Variants in EPS8L2 observed in about 807,000 individuals in gnomAD.
EPS8L2 encodes the protein EPS8 signaling adaptor L2.
A neutral mutation model predicts 99.4 loss-of-function variants in EPS8L2; 81 were observed. That is an observed-to-expected ratio of 0.82 (90% CI 0.68 to 0.98). The LOEUF (loss-of-function observed/expected upper bound fraction) is 0.98. Among genes scored for constraint, EPS8L2 ranks in the 50% least tolerant of loss-of-function variants. The pLI is 0.00. For synonymous variants in EPS8L2, 509 were observed against 407.3 expected (o/e 1.25, Z -3.01); for missense variants, 1,155 against 968.8 (o/e 1.19, Z -2.55).
At chr11:707,550 C>A (rs1399835119) in intron 1 of EPS8L2, among the ~76,000 whole-genome samples, 1 of 152,210 alleles carries the variant, frequency 6.6e-6, no homozygotes, top group Non-Finnish European at 1.5e-5. Flanking sequence ...GTACAAAGTG[C>A]AGCCTGGGCC....
Position 722,006 on chromosome 11 carries a change from C to G in EPS8L2, c.984+15C>G. 6.2e-7 allele frequency: 1 copy of G among 1,606,312 alleles called. No individual in the cohort carries two copies. ...TTAACTTGCTGGTGGGTCCGGTGGC[C>G]CCAGCCCTGCCCCACTGTCTGTGCT... is the stretch of plus-strand genomic sequence containing the variant. On this transcript the variant is annotated intron_variant, in intron 11 of 20. Coordinates refer to ENST00000318562, the MANE Select transcript of EPS8L2 (RefSeq NM_022772.4).
intron 4 of EPS8L2, among the ~76,000 whole-genome samples, chr11:713,911 A>AC (rs1418190656): frequency 1.3e-5 from 2 of 151,868 alleles, no homozygotes; most frequent in Non-Finnish European, 2.9e-5. Flanking sequence ...CCAACGCCTG[A>AC]CCTCAAGTGA....
Position 726,987 on chromosome 11 carries a change from G to C in EPS8L2, c.*6G>C. The C allele has an allele frequency of 6.2e-7, 1 of 1,606,732 alleles. No individual in the cohort carries two copies. Among genetic ancestry groups the C allele is most frequent in the Non-Finnish European group, 8.5e-7 (1 of 1,174,532 alleles). ...GGAGGGGGGAGGACAGCTAGGCCCA[G>C]CTGCCTTGGGCTGGGGCCTGCGGAG... On this transcript the variant is annotated 3_prime_UTR_variant, in exon 21 of 21. Transcript: ENST00000318562.
chr11:720,713 G>C lies in EPS8L2; in HGVS notation c.444G>C (p.Pro148=). ...GCCAGGACTCGGAGCAGAGCAAGCCGGATGTCCACTTCTTCCACTGCGATG... is the reference window on the plus strand; with the variant it reads ...GCCAGGACTCGGAGCAGAGCAAGCCCGATGTCCACTTCTTCCACTGCGATG... ...LVCQDSEQSK[P]DVHFFHCDEV... Residue 148 remains proline (P), a synonymous_variant, in exon 6 of 21, where the codon CCG becomes CCC. Transcript: ENST00000318562. The C allele has an allele frequency of 6.3e-7, 1 of 1,592,588 alleles. No individual in the cohort carries two copies. The highest frequency in any genetic ancestry group is 8.5e-7 in the Non-Finnish European group (1 of 1,170,770).
chr11:721,972 A>G lies in EPS8L2; in HGVS notation c.965A>G (p.Lys322Arg). ...TTCATCGACTGCTTCCAGAAAATCA[A>G]GCTGGCGATTAACTTGCTGGTGGGT... ...GEFIDCFQKI[K>R]LAINLLAKLQ... Residue 322 changes from lysine to arginine, a missense_variant, in exon 11 of 21, where the codon AAG becomes AGG. Transcript: ENST00000318562. 6.2e-7 allele frequency: 1 copy of G among 1,605,288 alleles called. No homozygotes were observed. Among genetic ancestry groups the G allele is most frequent in the South Asian group, 1.1e-5 (1 of 90,024 alleles).
At position 727,180 on chromosome 11, in the gene EPS8L2, T is replaced by G; in HGVS notation, c.*199T>G. ...CCAAGGCCTCAGCCCACACCAAGACTAATCTCAGCCAAACCTGCTGCTTGG... is the reference window on the plus strand; with the variant it reads ...CCAAGGCCTCAGCCCACACCAAGACGAATCTCAGCCAAACCTGCTGCTTGG... On this transcript the variant is annotated 3_prime_UTR_variant, in exon 21 of 21. Coordinates refer to ENST00000318562, the MANE Select transcript of EPS8L2 (RefSeq NM_022772.4). 4.0e-6 allele frequency: 2 copies of G among 494,970 alleles called. No homozygotes were observed. The highest frequency in any genetic ancestry group is 3.6e-5 in the Admixed American group (1 of 27,442). 30.7% of individuals were successfully genotyped at this position (494,970 alleles called of 1,614,324 possible).
rs771577046 is a variant in EPS8L2 at position 725,835 on chromosome 11, C to T, written c.1668C>T (p.Ala556=). 1 of 1,384,526 alleles carries T rather than the reference C, an allele frequency of 7.2e-7. No homozygotes were observed. Among genetic ancestry groups the T allele is most frequent in the South Asian group, 1.8e-5 (1 of 55,254 alleles). The allele number at this position is 1,384,526 out of a possible 1,614,324, so 85.8% of individuals were successfully genotyped here. ...AGGCGCGACCGGAGGACGCCGGCGC[C>T]CCGTTCGAGCAGGTGAGCCCGCGGG... ...LGEARPEDAG[A]PFEQAGQKYW... is the part of the protein sequence containing the mutation. The change falls in exon 17 of 21, where the codon GCC becomes GCT. Residue 556 remains alanine (A), a synonymous_variant. Coordinates refer to ENST00000318562, the MANE Select transcript of EPS8L2 (RefSeq NM_022772.4).
chr11:709,671 G>T, intron 3 of EPS8L2, 63 bp downstream of exon 3: 1 of 1,562,482 alleles, frequency 6.4e-7, no homozygotes, highest in Non-Finnish European at 8.7e-7. Flanking sequence ...CATCCAGGTG[G>T]GGGACAGCTG....
chr11:726,435 G>T lies in EPS8L2; in HGVS notation c.1885G>T (p.Gly629Cys). The change falls in exon 19 of 21, where the codon GGT becomes TGT. Residue 629 changes from glycine to cysteine, a missense_variant. Coordinates refer to ENST00000318562, the MANE Select transcript of EPS8L2 (RefSeq NM_022772.4). The part of the protein sequence containing the change: ...PVSQPLTYES[G>C]PDEVRAWLEA... The stretch of plus-strand genomic sequence containing the variant: ...GAGCCAGCCGCTCACCTACGAGTCG[G>T]GTCCGGACGAGGTCCGCGCCTGGCT... 1 of 1,595,710 alleles carries T rather than the reference G, an allele frequency of 6.3e-7. No individual in the cohort carries two copies. Among genetic ancestry groups the T allele is most frequent in the Non-Finnish European group, 8.5e-7 (1 of 1,172,554 alleles).
rs1292470756 is a variant in EPS8L2 at position 724,048 on chromosome 11, C to T, written c.1455-676C>T. Among the ~76,000 whole-genome samples the T allele has an allele frequency of 6.6e-6, 1 of 152,176 alleles. No homozygotes were observed. The highest frequency in any genetic ancestry group is 1.5e-5 in the Non-Finnish European group (1 of 68,026). ...TAAAAACATTTCCACCCTTTGACTT[C>T]AGCTCCTGGTCTGTCCACCCTGGCC... On this transcript the variant is annotated intron_variant, in intron 15 of 20. Transcript: ENST00000318562. This position sits in a 1 kb window ranked among gnomAD's most constrained non-coding sequence, Gnocchi z 5.5.
At chr11:709,953 C>T (rs930088883) in intron 3 of EPS8L2, 6 of 449,772 alleles carry the variant, frequency 1.3e-5, no homozygotes, top group Non-Finnish European at 2.4e-5. Flanking sequence ...CACCTCCCCC[C>T]ACTCTGCCCT....
chr11:710,113 A>T (rs775343416), intron 3 of EPS8L2: 13 of 395,770 alleles, frequency 3.3e-5, no homozygotes, highest in Non-Finnish European at 4.6e-5. Context: ...CCGGGCTGGG[A>T]CCCCCTTCCT....
At chr11:725,503 C>A (rs1862288344) in intron 16 of EPS8L2, among the ~76,000 whole-genome samples, 1 of 152,082 alleles carries the variant, frequency 6.6e-6, no homozygotes, top group Non-Finnish European at 1.5e-5. Flanking sequence ...AGAGTGAGAC[C>A]CTGTCTCCGA....
intron 1 of EPS8L2, 112 bp from the exon 2 acceptor site, chr11:709,218 C>T (rs1861818116): frequency 9.5e-6 from 6 of 633,662 alleles, no homozygotes; most frequent in East Asian, 3.1e-5. Flanking sequence ...GGGGCTCTGC[C>T]CCCCAAGGGA....
At chr11:721,532 C>A in intron 9 of EPS8L2, 33 bp from the exon 10 acceptor site, 1 of 1,527,952 alleles carries the variant, frequency 6.5e-7, no homozygotes, top group Admixed American at 2.2e-5. Flanking sequence ...TGGGGAGTGT[C>A]AGGGGCTGAC....
intron 1 of EPS8L2, chr11:708,487 C>A (rs987068350): frequency 6.6e-6 from 1 of 152,298 alleles, no homozygotes; most frequent in Non-Finnish European, 1.5e-5. Flanking sequence ...CCCATAGCCA[C>A]CCTACCTCGT....
intron 4 of EPS8L2, among the ~76,000 whole-genome samples, chr11:716,617 C>T (rs1267500474): frequency 1.3e-5 from 2 of 152,198 alleles, no homozygotes; most frequent in Non-Finnish European, 2.9e-5. Context: ...TCTACATTCT[C>T]CTTGCAGCAC....
At chr11:719,539 C>G (rs975800422) in intron 4 of EPS8L2, among the ~76,000 whole-genome samples, 3 of 152,256 alleles carry the variant, frequency 2.0e-5, no homozygotes, top group Non-Finnish European at 4.4e-5. Context: ...CCTCTGTGCA[C>G]CAGGCTTTGC....
At position 721,700 on chromosome 11, in the gene EPS8L2, G is replaced by T. The variant is rs761436045; in HGVS notation, c.895+9G>T. The T allele has an allele frequency of 5.6e-6, 9 of 1,603,086 alleles. No homozygotes were observed. The highest frequency in any genetic ancestry group is 7.7e-6 in the Non-Finnish European group (9 of 1,174,802). Reference sequence around the variant, plus strand: ...CAAGAAGGCGCCAGCAGGTGCAGGGGACAGGGACGGGGCCGGCAGGTGCAG... The same window carrying T: ...CAAGAAGGCGCCAGCAGGTGCAGGGTACAGGGACGGGGCCGGCAGGTGCAG... On this transcript the variant is annotated intron_variant, in intron 10 of 20. Transcript: ENST00000318562.
Sources: allele counts gnomAD v4.1 joint callset (sites outside exome capture counted in the v4.1 genomes callset), GRCh38; gene constraint gnomAD v4.1.1; non-coding constraint Gnocchi (gnomAD v3.1); transcripts MANE v1.5; gene names NCBI Gene and HGNC (gene_info 2026-07-23, HGNC 2026-07-21).